Variants in RALYL observed in about 807,000 individuals in gnomAD.
RALYL encodes the protein RNA-binding Raly-like protein.
Under a neutral mutation model 35.1 loss-of-function variants are expected in RALYL, and 29 were observed. The observed-to-expected ratio is 0.83, with a 90% CI of 0.61 to 1.13. The LOEUF is 1.13. Ranked by LOEUF, RALYL falls within the 50% of genes most tolerant of loss-of-function variation. The pLI is 0.00. For synonymous variants in RALYL, 120 were observed against 127.6 expected, an observed-to-expected ratio of 0.94 and a Z score of 0.40; for missense variants, 359 against 360.4, an observed-to-expected ratio of 1.00 and a Z score of 0.03.
At chr8:84,837,792 T>G (rs1832321533) in intron 4 of RALYL, among the ~76,000 whole-genome samples, 1 of 152,174 alleles carries the variant, frequency 6.6e-6, no homozygotes, top group Non-Finnish European at 1.5e-5. Flanking sequence ...GTGTACTGGA[T>G]TTTTAAATAA....
chr8:84,679,793 G>A (rs1449271489), intron 2 of RALYL: 1 of 493,704 alleles, frequency 2.0e-6, no homozygotes, highest in Non-Finnish European at 4.0e-6. Flanking sequence ...AAATTGGATA[G>A]AAAGATTGAA....
intron 2 of RALYL, among the ~76,000 whole-genome samples, chr8:84,716,502 A>G (rs1466831440): frequency 6.6e-6 from 1 of 152,178 alleles, no homozygotes; most frequent in Admixed American, 6.5e-5. Context: ...ATAAATGGTC[A>G]CTTGCATTGT....
intron 2 of RALYL, among the ~76,000 whole-genome samples, chr8:84,724,115 T>G (rs761835388): frequency 8.6e-5 from 13 of 151,834 alleles, no homozygotes; most frequent in Non-Finnish European, 1.8e-4. Context: ...TTATATTCAG[T>G]AATGAAACAT....
chr8:84,432,816 C>CTAAAA (rs1023862965), intron 1 of RALYL, among the ~76,000 whole-genome samples: 1 of 151,898 alleles, frequency 6.6e-6, no homozygotes, highest in Admixed American at 6.6e-5. Flanking sequence ...CCTCCAGAAG[C>CTAAAA]TAAAAAAAGG....
At chr8:84,253,869 A>C (rs987127780) in intron 1 of RALYL, among the ~76,000 whole-genome samples, 1 of 152,174 alleles carries the variant, frequency 6.6e-6, no homozygotes, top group Non-Finnish European at 1.5e-5. Flanking sequence ...GCCTACTGCC[A>C]ATCTCTTATT....
At chr8:84,395,775 A>G (rs1355920433) in intron 1 of RALYL, among the ~76,000 whole-genome samples, 1 of 151,890 alleles carries the variant, frequency 6.6e-6, no homozygotes, top group Admixed American at 6.6e-5. Flanking sequence ...TTGTGAAATA[A>G]TCTTTGGTAA....
intron 1 of RALYL, among the ~76,000 whole-genome samples, chr8:84,207,633 G>T (rs922035716): frequency 6.6e-6 from 1 of 152,010 alleles, no homozygotes; most frequent in African/African-American, 2.4e-5. Flanking sequence ...AAGTTTGGAA[G>T]ATCTAATATA....
chr8:84,470,307 T>C (rs952621394), intron 1 of RALYL, among the ~76,000 whole-genome samples: 1 of 152,216 alleles, frequency 6.6e-6, no homozygotes, highest in Non-Finnish European at 1.5e-5. Context: ...GAAATATTTT[T>C]CTATTTATTT....
chr8:84,231,211 A>C (rs1187830909), intron 1 of RALYL, among the ~76,000 whole-genome samples: 1 of 152,208 alleles, frequency 6.6e-6, no homozygotes, highest in Non-Finnish European at 1.5e-5. Context: ...CTGAGACTAG[A>C]AGATAAAGAA....
In RALYL at chr8:84,650,664, C is replaced by T. The variant is rs563096776; in HGVS notation, c.256+121087C>T. On this transcript the variant is annotated intron_variant, in intron 2 of 8. Coordinates refer to ENST00000521268, the MANE Select transcript of RALYL (RefSeq NM_173848.7). ...TCAACCCTTGTGGAAGTCAGTGTGG[C>T]GATTCCTCAGGGATCTAGAACTAGA... 4.2e-3 allele frequency among the ~76,000 whole-genome samples: 633 copies of T among 151,920 alleles called. 3 individuals are homozygous for T. Among genetic ancestry groups the T allele is most frequent in the South Asian group, 0.012 (58 of 4,796 alleles).
chr8:84,554,583 T>C (rs533126603), intron 2 of RALYL, among the ~76,000 whole-genome samples: 3 of 152,164 alleles, frequency 2.0e-5, no homozygotes, highest in Non-Finnish European at 4.4e-5. Flanking sequence ...CCAGTAATAC[T>C]TACAGCCCCT....
intron 1 of RALYL, among the ~76,000 whole-genome samples, chr8:84,239,461 T>G (rs1486101164): frequency 6.6e-6 from 1 of 152,226 alleles, no homozygotes; most frequent in African/African-American, 2.4e-5. Flanking sequence ...AGCCGTTACA[T>G]GTCTCAGACC....
chr8:84,484,468 A>G (rs2054389648), intron 1 of RALYL, among the ~76,000 whole-genome samples: 1 of 152,076 alleles, frequency 6.6e-6, no homozygotes, highest in Admixed American at 6.6e-5. Flanking sequence ...AAGTGGAAGG[A>G]TAACAAGCGG....
chr8:84,580,830 T>C (rs1810654390), intron 2 of RALYL, among the ~76,000 whole-genome samples: 1 of 152,054 alleles, frequency 6.6e-6, no homozygotes, highest in South Asian at 2.1e-4. Flanking sequence ...TCATAAATTC[T>C]GTGGTCAGGA....
chr8:84,510,220 G>A (rs942442836), intron 1 of RALYL, among the ~76,000 whole-genome samples: 3 of 151,994 alleles, frequency 2.0e-5, no homozygotes, highest in Admixed American at 6.6e-5. Flanking sequence ...TATTTTGTTC[G>A]ATTTATACCT....
At chr8:84,447,479 T>A (rs566518187) in intron 1 of RALYL, among the ~76,000 whole-genome samples, 1 of 152,076 alleles carries the variant, frequency 6.6e-6, no homozygotes, top group African/African-American at 2.4e-5. Context: ...CACAGCCCAG[T>A]CTCTCCCTTT....
At chr8:84,834,474 T>C (rs1273072973) in intron 4 of RALYL, among the ~76,000 whole-genome samples, 2 of 152,170 alleles carry the variant, frequency 1.3e-5, no homozygotes, top group African/African-American at 2.4e-5. Context: ...GAGATGCCCA[T>C]GGTTATCACT....
intron 1 of RALYL, among the ~76,000 whole-genome samples, chr8:84,245,402 A>C (rs998309347): frequency 2.6e-5 from 4 of 152,168 alleles, no homozygotes; most frequent in Non-Finnish European, 5.9e-5. Context: ...CATATGAACA[A>C]ATAATTTTAC....
intron 1 of RALYL, among the ~76,000 whole-genome samples, chr8:84,326,112 A>T (rs1004389757): frequency 4.6e-5 from 7 of 152,222 alleles, no homozygotes; most frequent in Admixed American, 2.0e-4. Context: ...ACACTGTCTC[A>T]AAACAAAGCA....
Sources: allele counts gnomAD v4.1 joint callset (sites outside exome capture counted in the v4.1 genomes callset), GRCh38; gene constraint gnomAD v4.1.1; transcripts MANE v1.5; gene names NCBI Gene and HGNC (gene_info 2026-07-23, HGNC 2026-07-21).